DPP6: variants seen among roughly 807,000 people sequenced by gnomAD.
DPP6 encodes A-type potassium channel modulatory protein DPP6.
Under a neutral mutation model 122.6 loss-of-function variants are expected in DPP6, and 69 were observed. That is an observed-to-expected ratio of 0.56 (90% CI 0.46 to 0.69). The LOEUF is 0.69. Among genes scored for constraint, DPP6 ranks in the 30% least tolerant of loss-of-function variants. The pLI is 0.00. For missense variants in DPP6, 928 were observed against 1,116.9 expected, an observed-to-expected ratio of 0.83 and a Z score of 2.41; for synonymous variants, 418 against 433.1, an observed-to-expected ratio of 0.97 and a Z score of 0.43.
intron 1 of DPP6, among the ~76,000 whole-genome samples, chr7:154,365,818 C>T (rs1812119396): frequency 6.6e-6 from 1 of 152,074 alleles, no homozygotes; most frequent in African/African-American, 2.4e-5. Flanking sequence ...ATTAGCCACA[C>T]GTGGTGGCGG....
intron 1 of DPP6, among the ~76,000 whole-genome samples, chr7:154,129,658 G>T (rs1402591073): frequency 2.0e-5 from 3 of 152,070 alleles, no homozygotes; most frequent in Non-Finnish European, 2.9e-5. Context: ...CCAGCACTTT[G>T]GGAGGCTGAG....
intron 1 of DPP6, among the ~76,000 whole-genome samples, chr7:153,919,557 G>C (rs1200796544): frequency 6.6e-6 from 1 of 152,202 alleles, no homozygotes; most frequent in East Asian, 1.9e-4. Context: ...ATGTAGGAAA[G>C]CAGAAATGGT....
At chr7:154,086,706 C>T (rs1376541184) in intron 1 of DPP6, among the ~76,000 whole-genome samples, 2 of 151,226 alleles carry the variant, frequency 1.3e-5, no homozygotes, top group Non-Finnish European at 2.9e-5. Context: ...GCAACCTCTG[C>T]CTCCCAGATT....
intron 1 of DPP6, among the ~76,000 whole-genome samples, chr7:154,290,566 C>G (rs190855495): frequency 3.1e-3 from 461 of 150,536 alleles, no homozygotes; most frequent in African/African-American, 0.01. Context: ...CCCTTGGACC[C>G]GGGAGGTGGA....
chr7:153,936,018 A>C (rs1333120543), intron 1 of DPP6, among the ~76,000 whole-genome samples: 2 of 152,130 alleles, frequency 1.3e-5, no homozygotes, highest in Non-Finnish European at 2.9e-5. Context: ...TTTCCAAGAA[A>C]TCTAATGTCA....
At chr7:154,060,148 C>G (rs1485668174) in intron 1 of DPP6, among the ~76,000 whole-genome samples, 2 of 147,772 alleles carry the variant, frequency 1.4e-5, no homozygotes, top group Non-Finnish European at 3.0e-5. Context: ...CCTCCCCTGG[C>G]TCTTTGCACC....
intron 1 of DPP6, among the ~76,000 whole-genome samples, chr7:153,983,397 T>C (rs1405882683): frequency 6.6e-6 from 1 of 152,240 alleles, no homozygotes; most frequent in African/African-American, 2.4e-5. Flanking sequence ...ACCCCTCCCC[T>C]GACCAAGCTT....
chr7:154,146,767 C>G (rs374893150), intron 1 of DPP6, among the ~76,000 whole-genome samples: 1 of 152,212 alleles, frequency 6.6e-6, no homozygotes, highest in Non-Finnish European at 1.5e-5. Context: ...ACCTAACACA[C>G]TATAAAATAC....
chr7:154,287,821 A>C (rs1804953272), intron 1 of DPP6, among the ~76,000 whole-genome samples: 3 of 152,150 alleles, frequency 2.0e-5, no homozygotes, highest in Admixed American at 6.5e-5. Flanking sequence ...TGCATCCTGG[A>C]GGGAAGGTTG....
chr7:154,781,923 T>G (rs955135475), intron 10 of DPP6, among the ~76,000 whole-genome samples: 2 of 152,244 alleles, frequency 1.3e-5, no homozygotes, highest in Non-Finnish European at 2.9e-5. Flanking sequence ...TCTATTAATA[T>G]TTTATGGCAA....
At chr7:154,792,245 C>T (rs1236495951) in intron 10 of DPP6, among the ~76,000 whole-genome samples, 3 of 152,268 alleles carry the variant, frequency 2.0e-5, no homozygotes, top group Non-Finnish European at 4.4e-5. Context: ...CAACCACAGG[C>T]CCCATGTGGC....
the DPP6 span, among the ~76,000 whole-genome samples, chr7:153,785,209 C>A: frequency 1.3e-5 from 2 of 152,158 alleles, no homozygotes; most frequent in Non-Finnish European, 1.5e-5. Flanking sequence ...CTGCCACAAA[C>A]CCCCGTGTCT....
chr7:154,466,062 G>A (rs563713746), intron 2 of DPP6, among the ~76,000 whole-genome samples: 2 of 152,278 alleles, frequency 1.3e-5, no homozygotes, highest in East Asian at 3.9e-4. Context: ...GCAGGGACAT[G>A]GATGAAGCTG....
At chr7:154,796,452 A>G (rs1798055474) in intron 12 of DPP6, among the ~76,000 whole-genome samples, 1 of 152,268 alleles carries the variant, frequency 6.6e-6, no homozygotes, top group African/African-American at 2.4e-5. Flanking sequence ...GCCCAGGTAA[A>G]TCATTCTGAG....
At chr7:154,329,845 G>A (rs868531132) in intron 1 of DPP6, among the ~76,000 whole-genome samples, 1 of 152,164 alleles carries the variant, frequency 6.6e-6, no homozygotes, top group Non-Finnish European at 1.5e-5. Context: ...ATACTATGCA[G>A]CCATAAAAAA....
At chr7:154,772,186 C>T (rs536054356) in intron 9 of DPP6, among the ~76,000 whole-genome samples, 2 of 152,334 alleles carry the variant, frequency 1.3e-5, no homozygotes, top group South Asian at 2.1e-4. Flanking sequence ...TCAGATGCTC[C>T]TTGCCCCATT....
chr7:153,947,149 G>A lies in DPP6; in HGVS notation c.51+59415G>A, dbSNP rs538139512. Among the ~76,000 whole-genome samples the A allele has an allele frequency of 3.9e-5, 6 of 152,280 alleles. No homozygotes were observed. The East Asian group carries it at 5.8e-4, about 15-fold the overall frequency. ...CCATTGAAAGCCACCAATGTACTTC[G>A]CTAGCAGTAGAAGCGTCCCATTTGG... On this transcript the variant is annotated intron_variant, in intron 1 of 25. Coordinates refer to the DPP6 transcript ENST00000404039.
At chr7:154,213,223 G>A (rs1416197362) in intron 1 of DPP6, among the ~76,000 whole-genome samples, 1 of 152,162 alleles carries the variant, frequency 6.6e-6, no homozygotes. Context: ...CCGTGGTCAG[G>A]GTCAGGGCTG....
At chr7:154,339,992 G>C (rs2151058057) in intron 1 of DPP6, among the ~76,000 whole-genome samples, 1 of 152,188 alleles carries the variant, frequency 6.6e-6, no homozygotes, top group East Asian at 1.9e-4. Context: ...AGAATTGCTT[G>C]AACCTAGGAG....
Sources: allele counts gnomAD v4.1 joint callset (sites outside exome capture counted in the v4.1 genomes callset), GRCh38; gene constraint gnomAD v4.1.1; transcripts MANE v1.5; gene names NCBI Gene and HGNC (gene_info 2026-07-23, HGNC 2026-07-21).